Variants in BRDT observed in about 807,000 individuals in gnomAD.
BRDT encodes the protein bromodomain testis-specific protein.
Under a neutral mutation model 113.9 loss-of-function variants are expected in BRDT, and 77 were observed. That is an observed-to-expected ratio of 0.68 (90% CI 0.56 to 0.82). The LOEUF (loss-of-function observed/expected upper bound fraction) is 0.82, where lower values mean the gene tolerates loss of function less well. BRDT is among the 40% of genes least tolerant of loss of function. BRDT has a pLI of 0.00. For synonymous variants in BRDT, 358 were observed against 366.5 expected (o/e 0.98, Z 0.26); for missense variants, 1,027 against 1,105.4 (o/e 0.93, Z 1.01).
intron 15 of BRDT, among the ~76,000 whole-genome samples, chr1:91,998,068 T>G (rs1686504288): frequency 6.6e-6 from 1 of 152,174 alleles, no homozygotes; most frequent in Non-Finnish European, 1.5e-5. Flanking sequence ...CCACATGAAA[T>G]GGACAATGTT....
intron 11 of BRDT, 22 bp downstream of exon 11, chr1:91,981,403 T>TA (rs762426737): frequency 1.9e-6 from 3 of 1,582,828 alleles, no homozygotes; most frequent in Non-Finnish European, 2.6e-6. Context: ...TTTTTGTTTG[T>TA]TTGTATGTAT....
intron 6 of BRDT, 32 bp from the exon 7 acceptor site, chr1:91,978,136 T>A: frequency 2.5e-6 from 4 of 1,579,282 alleles, no homozygotes; most frequent in Non-Finnish European, 3.5e-6. Context: ...AATTGAACTA[T>A]TTGTGAATCC....
chr1:91,966,838 A>G (rs1040005385), intron 3 of BRDT, among the ~76,000 whole-genome samples: 7 of 152,190 alleles, frequency 4.6e-5, no homozygotes, highest in Admixed American at 6.5e-5. Flanking sequence ...TGGGAGGCCA[A>G]GGCGGGTGGA....
chr1:92,004,298 A>G (rs749956071), intron 16 of BRDT, 116 bp from the exon 17 acceptor site: 7 of 637,284 alleles, frequency 1.1e-5, no homozygotes, highest in Non-Finnish European at 1.8e-5. Context: ...GTAAAAGTAC[A>G]TGAAGCCCTT....
At position 91,991,210 on chromosome 1, in the gene BRDT, A is replaced by T. The variant is rs1685720442; in HGVS notation, c.2029A>T (p.Lys677Ter). 4 of 1,546,468 alleles carry T rather than the reference A, an allele frequency of 2.6e-6. No individual in the cohort carries two copies. In the African/African-American group the frequency reaches 4.1e-5, roughly 16 times the overall value. Reference protein sequence around the residue: ...SEMFPKFTEVKPNDSPSKENV... With the variant: ...SEMFPKFTEV ...AATGTTCCCTAAGTTTACAGAAGTA[A>T]AACCAAATGATTCTCCTTCTAAAGA... The change falls in exon 13 of 19, where the codon AAA becomes TAA. Residue 677 changes from lysine to a stop codon, truncating the protein, a stop_gained. Coordinates refer to ENST00000399546, the MANE Select transcript of BRDT (RefSeq NM_207189.4). LOFTEE classifies it high-confidence loss of function.
chr1:92,005,096 G>A, intron 17 of BRDT, 23 bp from the exon 18 acceptor site: 1 of 1,436,084 alleles, frequency 7.0e-7, no homozygotes, highest in Non-Finnish European at 9.1e-7. Context: ...AACCTACTTT[G>A]AGCTATACTT....
chr1:91,983,871 G>A (rs1317753682), intron 12 of BRDT, among the ~76,000 whole-genome samples: 2 of 151,842 alleles, frequency 1.3e-5, no homozygotes, highest in African/African-American at 4.8e-5. Context: ...TAGTAGAGAT[G>A]GGGTTTCACC....
In BRDT at chr1:91,952,093, G is replaced by T. The variant is rs377125722; in HGVS notation, c.-38+2411G>T. 4 of 152,324 alleles carry T rather than the reference G, an allele frequency of 2.6e-5. No individual in the cohort carries two copies. The South Asian group carries it at 6.2e-4, about 24-fold the overall frequency. The allele number at this position is 152,324 out of a possible 1,614,324, so 9.4% of individuals were successfully genotyped here. ...CTCAATGCTTTGGCACCATTTGTAGGTGCTTTATGTTAGTACATATTCAAT... is the reference window on the plus strand; with the variant it reads ...CTCAATGCTTTGGCACCATTTGTAGTTGCTTTATGTTAGTACATATTCAAT... On this transcript the variant is annotated intron_variant, in intron 1 of 18. Coordinates refer to ENST00000399546, the MANE Select transcript of BRDT (RefSeq NM_207189.4).
intron 4 of BRDT, among the ~76,000 whole-genome samples, chr1:91,971,973 A>G (rs777173499): frequency 3.5e-5 from 5 of 144,640 alleles, no homozygotes; most frequent in African/African-American, 1.0e-4. Context: ...TCTTTAAAAT[A>G]CTCCTTTATC....
chr1:91,964,055 T>TG (rs1553185594), intron 2 of BRDT, among the ~76,000 whole-genome samples: 71 of 151,886 alleles, frequency 4.7e-4, no homozygotes, highest in African/African-American at 1.6e-3. Context: ...GTTGTTTTTT[T>TG]TTGTTGTTGT....
intron 12 of BRDT, among the ~76,000 whole-genome samples, chr1:91,983,847 C>A (rs952677154): frequency 4.6e-5 from 7 of 151,798 alleles, no homozygotes; most frequent in South Asian, 4.2e-4. Context: ...ACACCCAGCT[C>A]ATTTTTGTAT....
Position 91,981,006 on chromosome 1 carries a change from T to A in BRDT, c.1578T>A (p.Pro526=), listed in dbSNP as rs746755222. 4 of 1,614,046 alleles carry A rather than the reference T, an allele frequency of 2.5e-6. No individual in the cohort carries two copies. The highest frequency in any genetic ancestry group is 3.4e-6 in the Non-Finnish European group (4 of 1,179,976). ...RQLSLNINKL[P]GDKLGRVVHI... ...TAAGTCTGAATATAAACAAACTCCC[T>A]GGAGATAAACTTGGGCGAGTAGTTC... The change falls in exon 10 of 19, where the codon CCT becomes CCA. Residue 526 remains proline (P), a synonymous_variant. Coordinates refer to ENST00000399546, the MANE Select transcript of BRDT (RefSeq NM_207189.4).
intron 14 of BRDT, among the ~76,000 whole-genome samples, chr1:91,993,343 G>T (rs1022677633): frequency 2.0e-5 from 3 of 152,118 alleles, no homozygotes; most frequent in African/African-American, 7.2e-5. Context: ...GTTAGATAAG[G>T]CTACTGGGCT....
At chr1:91,961,098 G>T (rs1285350961) in intron 1 of BRDT, among the ~76,000 whole-genome samples, 1 of 152,184 alleles carries the variant, frequency 6.6e-6, no homozygotes, top group African/African-American at 2.4e-5. Flanking sequence ...ATCACCTGAG[G>T]TCAGGAGTTC....
chr1:91,964,104 A>C (rs1682803914), intron 2 of BRDT, among the ~76,000 whole-genome samples: 2 of 152,170 alleles, frequency 1.3e-5, no homozygotes, highest in South Asian at 4.2e-4. Context: ...TCTGTCCCCC[A>C]GGCTGGAGTG....
Position 91,976,376 on chromosome 1 carries a change from A to G in BRDT, c.556A>G (p.Ile186Val), listed in dbSNP as rs146583513. ...EIPSVFPKTS[I>V]SPLNVVQGAS... Reference sequence around the variant, plus strand: ...TCCTTCTGTATTTCCTAAGACATCTATTTCTCCCTTGAACGTGGTACAGGG... The same window carrying G: ...TCCTTCTGTATTTCCTAAGACATCTGTTTCTCCCTTGAACGTGGTACAGGG... Residue 186 changes from isoleucine to valine, a missense_variant, in exon 5 of 19, where the codon ATT (isoleucine) becomes GTT (valine). Coordinates refer to ENST00000399546, the MANE Select transcript of BRDT (RefSeq NM_207189.4). The G allele has an allele frequency of 1.3e-4, 216 of 1,612,134 alleles. No homozygotes were observed. Among genetic ancestry groups the G allele is most frequent in the Non-Finnish European group, 1.7e-4 (203 of 1,179,368 alleles).
At chr1:91,998,256 A>G (rs943012970) in intron 15 of BRDT, among the ~76,000 whole-genome samples, 31 of 152,216 alleles carry the variant, frequency 2.0e-4, no homozygotes, top group Admixed American at 5.9e-4. Context: ...TAATACAAGA[A>G]CAGAAAACCA....
At chr1:91,959,622 A>G (rs1034647144) in intron 1 of BRDT, among the ~76,000 whole-genome samples, 1 of 151,908 alleles carries the variant, frequency 6.6e-6, no homozygotes, top group African/African-American at 2.4e-5. Context: ...CTGGGACTAC[A>G]GATGTGCACC....
chr1:91,955,248 A>G (rs1681613503), intron 1 of BRDT, among the ~76,000 whole-genome samples: 1 of 151,978 alleles, frequency 6.6e-6, no homozygotes, highest in Admixed American at 6.6e-5. Context: ...TTGAGGTCAG[A>G]AGTTCAAGAC....
Sources: gnomAD v4.1 joint callset for allele counts (sites outside exome capture counted in the v4.1 genomes callset) on GRCh38, gnomAD v4.1.1 for gene constraint, MANE v1.5 for transcripts, NCBI Gene and HGNC (gene_info 2026-07-23, HGNC 2026-07-21) for gene names.